IL6R: variants seen among roughly 807,000 people sequenced by gnomAD.
IL6R encodes the protein interleukin 6 receptor, also known as interleukin-6 receptor subunit alpha.
Under a neutral mutation model 48.3 loss-of-function variants are expected in IL6R, and 38 were observed. That is an observed-to-expected ratio of 0.79 (90% CI 0.61 to 1.03). The LOEUF is 1.03. Among genes scored for constraint, IL6R ranks in the 50% least tolerant of loss-of-function variants. The probability of loss-of-function intolerance (pLI) is 0.00; values close to 1 mark genes in which losing one functional copy is unlikely to be tolerated. For missense variants in IL6R, 534 were observed against 618.3 expected (o/e 0.86, Z 1.45); for synonymous variants, 264 against 256.2 (o/e 1.03, Z -0.29).
At chr1:154,435,449 C>T (rs1689561994) in intron 5 of IL6R, among the ~76,000 whole-genome samples, 1 of 148,914 alleles carries the variant, frequency 6.7e-6, no homozygotes, top group South Asian at 2.1e-4. Context: ...GTGGAGGTTG[C>T]GGTGAGCAGA....
At chr1:154,420,937 A>C (rs899647876) in intron 1 of IL6R, among the ~76,000 whole-genome samples, 4 of 152,136 alleles carry the variant, frequency 2.6e-5, no homozygotes, top group African/African-American at 9.7e-5. Flanking sequence ...ACCAGACCAG[A>C]CCAGACACCA....
intron 1 of IL6R, among the ~76,000 whole-genome samples, chr1:154,410,075 G>A (rs908980702): frequency 6.6e-6 from 1 of 152,156 alleles, no homozygotes; most frequent in African/African-American, 2.4e-5. Flanking sequence ...AGAGGGCTCT[G>A]TGGGGACACA....
intron 6 of IL6R, among the ~76,000 whole-genome samples, chr1:154,439,956 G>A (rs1321012411): frequency 6.6e-6 from 1 of 151,962 alleles, no homozygotes; most frequent in African/African-American, 2.4e-5. Context: ...AGGCTGGAGT[G>A]CACTGTCGTG....
At chr1:154,452,901 A>T (rs1162848277) in intron 8 of IL6R, among the ~76,000 whole-genome samples, 2 of 150,324 alleles carry the variant, frequency 1.3e-5, no homozygotes, top group Non-Finnish European at 3.0e-5. Context: ...TATTTGTTGG[A>T]TGAAAGAAGG....
chr1:154,426,869 C>T (rs959343746), intron 1 of IL6R, among the ~76,000 whole-genome samples: 2 of 151,882 alleles, frequency 1.3e-5, no homozygotes, highest in African/African-American at 4.8e-5. Context: ...TGGGCAGTAG[C>T]AGTCCACCCC....
At chr1:154,444,357 C>T (rs996015477) in intron 6 of IL6R, among the ~76,000 whole-genome samples, 2 of 152,038 alleles carry the variant, frequency 1.3e-5, no homozygotes, top group African/African-American at 2.4e-5. Flanking sequence ...TACAGGCATG[C>T]GCCATCATGC....
intron 9 of IL6R, 124 bp from the exon 10 acceptor site, chr1:154,465,010 C>G (rs926307186): frequency 2.8e-6 from 3 of 1,069,404 alleles, no homozygotes; most frequent in Non-Finnish European, 4.3e-6. Context: ...GTTATTGCTC[C>G]TTTGAGCCGA....
intron 6 of IL6R, among the ~76,000 whole-genome samples, chr1:154,440,083 T>G (rs1289248172): frequency 1.3e-5 from 2 of 152,102 alleles, no homozygotes; most frequent in East Asian, 1.9e-4. Context: ...TTGTATTTTT[T>G]GTAGAGACAA....
chr1:154,445,359 A>G (rs1690160199), intron 6 of IL6R, among the ~76,000 whole-genome samples: 1 of 152,140 alleles, frequency 6.6e-6, no homozygotes, highest in South Asian at 2.1e-4. Flanking sequence ...GTTACTGGGC[A>G]TTCTCTGGGC....
intron 1 of IL6R, among the ~76,000 whole-genome samples, chr1:154,426,129 C>T (rs1196837140): frequency 1.5e-5 from 2 of 133,756 alleles, no homozygotes; most frequent in South Asian, 4.7e-4. Flanking sequence ...AAAGGAAGTT[C>T]GAGAAAAGCA....
At chr1:154,434,804 G>A in intron 4 of IL6R, 104 bp downstream of exon 4, 2 of 1,289,928 alleles carry the variant, frequency 1.6e-6, no homozygotes, top group Non-Finnish European at 2.2e-6. Flanking sequence ...GAGGGGTTTG[G>A]TGAGTTGGTG....
At chr1:154,421,153 C>T (rs772813483) in intron 1 of IL6R, among the ~76,000 whole-genome samples, 11 of 152,184 alleles carry the variant, frequency 7.2e-5, no homozygotes, top group Non-Finnish European at 1.3e-4. Context: ...CCTGCCTCTG[C>T]GCTGCTTCAT....
At chr1:154,453,321 G>A (rs1353741405) in intron 8 of IL6R, among the ~76,000 whole-genome samples, 1 of 152,270 alleles carries the variant, frequency 6.6e-6, no homozygotes, top group Non-Finnish European at 1.5e-5. Context: ...CATGCTTGGA[G>A]AAACTTGTCT....
chr1:154,431,196 C>G (rs544890225), intron 3 of IL6R, among the ~76,000 whole-genome samples: 2 of 152,142 alleles, frequency 1.3e-5, no homozygotes, highest in Non-Finnish European at 2.9e-5. Context: ...GCATCATCAC[C>G]GGAAGACGGC....
At chr1:154,459,568 A>G (rs138905057) in intron 9 of IL6R, among the ~76,000 whole-genome samples, 4 of 152,202 alleles carry the variant, frequency 2.6e-5, no homozygotes, top group Admixed American at 2.6e-4. Flanking sequence ...CTGCCAGTGT[A>G]TACTATATTT....
intron 1 of IL6R, among the ~76,000 whole-genome samples, chr1:154,422,438 AGTTTT>A (rs1225949371): frequency 1.3e-5 from 2 of 152,170 alleles, no homozygotes; most frequent in Non-Finnish European, 2.9e-5. Context: ...TATTACAGAT[AGTTTT>A]AAGTTCTAGG....
chr1:154,452,035 C>T lies in IL6R; in HGVS notation c.1066+2055C>T, dbSNP rs556658799. 3.3e-5 allele frequency among the ~76,000 whole-genome samples: 5 copies of T among 152,226 alleles called. No individual in the cohort carries two copies. In the South Asian group the frequency reaches 8.3e-4, roughly 25 times the overall value. ...CAAGCGTTGTCCTTGTGCTTTGAGA[C>T]GTATCTAGGAATTGACCACTCCTCA... is the stretch of plus-strand genomic sequence containing the variant. On this transcript the variant is annotated intron_variant, in intron 8 of 9. Transcript: ENST00000368485.
At chr1:154,418,760 G>T (rs140801046) in intron 1 of IL6R, among the ~76,000 whole-genome samples, 198 of 152,238 alleles carry the variant, frequency 1.3e-3, no homozygotes, top group Non-Finnish European at 2.3e-3. Context: ...GCAGTTTTAG[G>T]CTCTAACTCA....
chr1:154,416,908 T>C (rs991568376), intron 1 of IL6R, among the ~76,000 whole-genome samples: 1 of 152,144 alleles, frequency 6.6e-6, no homozygotes, highest in Non-Finnish European at 1.5e-5. Context: ...AGGGGAGCCC[T>C]GAAATCCCCC....
Sources: gnomAD v4.1 joint callset for allele counts (sites outside exome capture counted in the v4.1 genomes callset) on GRCh38, gnomAD v4.1.1 for gene constraint, MANE v1.5 for transcripts, NCBI Gene and HGNC (gene_info 2026-07-23, HGNC 2026-07-21) for gene names.